SCHIP1: variants seen among roughly 807,000 people sequenced by gnomAD.
SCHIP1 encodes schwannomin interacting protein 1.
A neutral mutation model predicts 29.7 loss-of-function variants in SCHIP1; 8 were observed. That is an observed-to-expected ratio of 0.27 (90% CI 0.16 to 0.49). The LOEUF is 0.49. SCHIP1 is among the 20% of genes least tolerant of loss of function. The pLI, the probability that SCHIP1 is intolerant of heterozygous loss-of-function variation, is 0.99. For synonymous variants in SCHIP1, 76 were observed against 94.9 expected (o/e 0.80, Z 1.16); for missense variants, 193 against 294.6 (o/e 0.66, Z 2.52).
the SCHIP1 span, among the ~76,000 whole-genome samples, chr3:159,438,257 C>G: frequency 6.6e-6 from 1 of 152,074 alleles, no homozygotes; most frequent in Non-Finnish European, 1.5e-5. Flanking sequence ...CCTGACCATG[C>G]CTGAGGGGTT....
chr3:159,668,901 A>C, the SCHIP1 span, among the ~76,000 whole-genome samples: 1 of 151,758 alleles, frequency 6.6e-6, no homozygotes, highest in South Asian at 2.1e-4. Context: ...GCTAATGCTT[A>C]TCTAAAAGGA....
chr3:159,477,920 C>CTTTTTT, the SCHIP1 span, among the ~76,000 whole-genome samples: 7 of 98,282 alleles, frequency 7.1e-5, no homozygotes, highest in Non-Finnish European at 9.9e-5. Flanking sequence ...CATTTTAAAT[C>CTTTTTT]TTTTTTTTTT....
the SCHIP1 span, among the ~76,000 whole-genome samples, chr3:159,567,370 T>TG: frequency 6.6e-6 from 1 of 152,156 alleles, no homozygotes; most frequent in African/African-American, 2.4e-5. Context: ...CCTTTACAGT[T>TG]CATCCTTTTT....
At chr3:159,785,152 A>G in the SCHIP1 span, among the ~76,000 whole-genome samples, 1 of 152,222 alleles carries the variant, frequency 6.6e-6, no homozygotes, top group Admixed American at 6.5e-5. Context: ...CGAGGATTTC[A>G]TACATTTTTT....
At chr3:159,543,986 A>G in the SCHIP1 span, among the ~76,000 whole-genome samples, 1 of 152,128 alleles carries the variant, frequency 6.6e-6, no homozygotes, top group South Asian at 2.1e-4. Context: ...AATGAACACA[A>G]CCATGCAACC....
At chr3:159,574,581 A>G in the SCHIP1 span, among the ~76,000 whole-genome samples, 7 of 152,228 alleles carry the variant, frequency 4.6e-5, no homozygotes, top group African/African-American at 1.4e-4. Context: ...GACCCACTTG[A>G]GAAGACAGTC....
chr3:159,476,230 A>G, the SCHIP1 span, among the ~76,000 whole-genome samples: 1 of 152,304 alleles, frequency 6.6e-6, no homozygotes, highest in East Asian at 1.9e-4. Flanking sequence ...ACGTCAGTTA[A>G]GGGCTGATAA....
the SCHIP1 span, among the ~76,000 whole-genome samples, chr3:159,639,375 G>C: frequency 1.3e-5 from 2 of 152,112 alleles, no homozygotes; most frequent in African/African-American, 4.8e-5. Context: ...AGGAAGTATA[G>C]AATTGCATTT....
chr3:159,731,768 A>T, the SCHIP1 span, among the ~76,000 whole-genome samples: 1 of 152,238 alleles, frequency 6.6e-6, no homozygotes, highest in East Asian at 1.9e-4. Context: ...AAGACTTCAC[A>T]GTTGCCAGAA....
the SCHIP1 span, among the ~76,000 whole-genome samples, chr3:159,397,379 T>C: frequency 6.6e-6 from 1 of 152,354 alleles, no homozygotes; most frequent in South Asian, 2.1e-4. Flanking sequence ...TGCATTCCTT[T>C]GGAGGAGGAG....
chr3:159,828,376 C>CATATATATATATATAT, the SCHIP1 span, among the ~76,000 whole-genome samples: 57 of 75,720 alleles, frequency 7.5e-4, 3 homozygotes, highest in African/African-American at 3.5e-3. Flanking sequence ...TATATATATA[C>CATATATATATATATAT]ATATATATAT....
At chr3:159,411,410 C>G in the SCHIP1 span, among the ~76,000 whole-genome samples, 1 of 151,908 alleles carries the variant, frequency 6.6e-6, no homozygotes, top group Non-Finnish European at 1.5e-5. Flanking sequence ...AATATGTATA[C>G]CTACTCTGTG....
the SCHIP1 span, among the ~76,000 whole-genome samples, chr3:159,525,571 G>A: frequency 6.6e-6 from 1 of 152,184 alleles, no homozygotes; most frequent in Non-Finnish European, 1.5e-5. Context: ...AAGGTTCTTG[G>A]TGCATTGAGA....
chr3:159,329,223 C>A, the SCHIP1 span, among the ~76,000 whole-genome samples: 1 of 152,118 alleles, frequency 6.6e-6, no homozygotes, highest in Non-Finnish European at 1.5e-5. Flanking sequence ...ACACCTAACA[C>A]ATATGCACAC....
the SCHIP1 span, among the ~76,000 whole-genome samples, chr3:159,462,010 G>A: frequency 6.6e-6 from 1 of 152,046 alleles, no homozygotes; most frequent in African/African-American, 2.4e-5. Context: ...AGGGGTTCGA[G>A]TCTGGCCTGG....
intron 1 of SCHIP1, among the ~76,000 whole-genome samples, chr3:159,840,463 T>C (rs1311725591): frequency 6.6e-6 from 1 of 152,218 alleles, no homozygotes; most frequent in African/African-American, 2.4e-5. Flanking sequence ...GCATATTTTG[T>C]ACGTCTGCAA....
At chr3:159,722,266 T>G in the SCHIP1 span, 2 of 171,786 alleles carry the variant, frequency 1.2e-5, no homozygotes, top group African/African-American at 4.8e-5. Flanking sequence ...GCACTCAGCC[T>G]GTTGCGCCTC....
chr3:159,699,229 A>G, the SCHIP1 span, among the ~76,000 whole-genome samples: 3,744 of 152,260 alleles, frequency 0.025, 76 homozygotes, highest in African/African-American at 0.052. Flanking sequence ...GCTCTATCAC[A>G]TTTAATCTTC....
At chr3:159,680,694 T>TAAA in the SCHIP1 span, among the ~76,000 whole-genome samples, 3 of 9,956 alleles carry the variant, frequency 3.0e-4, 1 homozygote, top group African/African-American at 1.7e-4. Context: ...TATGTATATA[T>TAAA]ATAATATATA....
Sources: allele counts gnomAD v4.1 joint callset (sites outside exome capture counted in the v4.1 genomes callset), GRCh38; gene constraint gnomAD v4.1.1; transcripts MANE v1.5; gene names NCBI Gene and HGNC (gene_info 2026-07-23, HGNC 2026-07-21).